Variants in STPG2 observed in about 807,000 individuals in gnomAD.
STPG2 encodes sperm-tail PG-rich repeat-containing protein 2.
A neutral mutation model predicts 54.2 loss-of-function variants in STPG2; 56 were observed. The ratio of observed to expected loss-of-function variants is 1.03; its 90% CI spans 0.83 to 1.29. The LOEUF (loss-of-function observed/expected upper bound fraction) is 1.29, where lower values mean the gene tolerates loss of function less well. STPG2 is among the 50% of genes most tolerant of loss of function. STPG2 has a pLI of 0.00. For synonymous variants in STPG2, 200 were observed against 181.8 expected, an observed-to-expected ratio of 1.10 and a Z score of -0.81; for missense variants, 596 against 544.9, an observed-to-expected ratio of 1.09 and a Z score of -0.93.
intron 7 of STPG2, among the ~76,000 whole-genome samples, chr4:97,956,981 C>T (rs1479981782): frequency 1.3e-5 from 2 of 151,904 alleles, no homozygotes; most frequent in African/African-American, 4.8e-5. Context: ...AGAAGAAATC[C>T]CTGATTTGCC....
chr4:97,527,588 T>C (rs906968017), intron 4 of STPG2, among the ~76,000 whole-genome samples: 2 of 152,218 alleles, frequency 1.3e-5, no homozygotes, highest in African/African-American at 4.8e-5. Flanking sequence ...TCTTCCACAA[T>C]GGTTGAACTA....
chr4:98,050,403 A>T (rs1737279747), intron 5 of STPG2, among the ~76,000 whole-genome samples: 1 of 152,250 alleles, frequency 6.6e-6, no homozygotes, highest in East Asian at 1.9e-4. Context: ...TAGTCTCTCC[A>T]CTTTTGTGTT....
intron 10 of STPG2, among the ~76,000 whole-genome samples, chr4:97,574,596 G>A (rs941703102): frequency 2.0e-5 from 3 of 151,964 alleles, no homozygotes; most frequent in Non-Finnish European, 4.4e-5. Context: ...TCACATGAAG[G>A]CCTTTAGGAG....
At chr4:97,647,193 T>C (rs1721936693) in intron 10 of STPG2, among the ~76,000 whole-genome samples, 1 of 152,178 alleles carries the variant, frequency 6.6e-6, no homozygotes, top group African/African-American at 2.4e-5. Context: ...AGCATGGGCA[T>C]GTTGCCAGGC....
chr4:98,022,663 C>T (rs1194706142), intron 5 of STPG2, among the ~76,000 whole-genome samples: 4 of 152,126 alleles, frequency 2.6e-5, no homozygotes, highest in African/African-American at 4.8e-5. Context: ...ATCAATCAGA[C>T]GTAGATTTGG....
rs906151930 is a variant in STPG2 at position 97,551,400 on chromosome 4, T to C, written c.462+161299A>G. Among the ~76,000 whole-genome samples the C allele has an allele frequency of 7.9e-5, 12 of 152,286 alleles. 1 individual carries two copies. In the South Asian group the frequency reaches 1.5e-3, roughly 18 times the overall value. On this transcript the variant is annotated intron_variant, in intron 4 of 4. Coordinates refer to the STPG2 transcript ENST00000522676. ...TTCTGTAATTGTCAAATAAAAGTAG[T>C]AACTAAAGATATTTTGAAACTGAGT...
Position 97,932,302 on chromosome 4 carries a change from G to A in STPG2, c.1044+11595C>T, listed in dbSNP as rs576951561. 2.2e-4 allele frequency among the ~76,000 whole-genome samples: 34 copies of A among 152,056 alleles called. No homozygotes were observed. In the South Asian group the frequency reaches 6.8e-3, roughly 31 times the overall value. On this transcript the variant is annotated intron_variant, in intron 8 of 10. Transcript: ENST00000295268. ...CTAGTTTTGGGGTTGATTTATCCTT[G>A]ATTCTCTAATTTTTCAAGTTGTGAA...
At chr4:97,798,613 A>C (rs1257887676) in intron 9 of STPG2, among the ~76,000 whole-genome samples, 1 of 145,364 alleles carries the variant, frequency 6.9e-6, no homozygotes, top group Non-Finnish European at 1.5e-5. Context: ...CTCTGTGGTC[A>C]ATTTTGGAAT....
intron 5 of STPG2, among the ~76,000 whole-genome samples, chr4:98,087,621 C>A (rs1738562741): frequency 6.7e-6 from 1 of 148,918 alleles, no homozygotes; most frequent in African/African-American, 2.5e-5. Context: ...AATGCAGTGC[C>A]GCAATCTCGG....
rs1738650054 is a variant in STPG2 at position 98,090,408 on chromosome 4, C to A, written c.612+15545G>T. The stretch of plus-strand genomic sequence containing the variant: ...GGGTTTTCTATTCTGTTTCATTGGT[C>A]TACATGCCTATTTTTATACTGGTAC... On this transcript the variant is annotated intron_variant, in intron 5 of 10. Transcript: ENST00000295268. Among the ~76,000 whole-genome samples the A allele has an allele frequency of 2.0e-5, 3 of 152,046 alleles. No individual in the cohort carries two copies. The South Asian group carries it at 6.2e-4, about 31-fold the overall frequency.
At chr4:97,900,931 T>A (rs1021246997) in intron 8 of STPG2, among the ~76,000 whole-genome samples, 1 of 151,962 alleles carries the variant, frequency 6.6e-6, no homozygotes, top group Non-Finnish European at 1.5e-5. Context: ...AAAATAAAAG[T>A]TTTTTTAAAA....
chr4:97,634,476 C>A (rs1273612437), intron 10 of STPG2, among the ~76,000 whole-genome samples: 2 of 152,202 alleles, frequency 1.3e-5, no homozygotes, highest in Non-Finnish European at 2.9e-5. Context: ...TGCAACAGAA[C>A]AAAGCTGGAC....
At chr4:97,726,854 C>A (rs6532692) in intron 9 of STPG2, among the ~76,000 whole-genome samples, 58,766 of 151,544 alleles carry the variant, frequency 0.39, 12,611 homozygotes, top group Admixed American at 0.52. Context: ...CACACACACA[C>A]ACACACACAG....
intron 10 of STPG2, among the ~76,000 whole-genome samples, chr4:97,626,573 T>C (rs2148928915): frequency 6.6e-6 from 1 of 152,246 alleles, no homozygotes; most frequent in African/African-American, 2.4e-5. Context: ...TTTCGGAATT[T>C]GAAATATTCC....
In STPG2 at chr4:97,705,763, T is replaced by C. The variant is rs140852577; in HGVS notation, c.1320+6936A>G. On this transcript the variant is annotated intron_variant, in intron 10 of 10. Coordinates refer to ENST00000295268, the MANE Select transcript of STPG2 (RefSeq NM_174952.3). ...AATTAAAATGTTTATATATAGTTTC[T>C]CCTTACTAGATTGCTATATAGTTGA... Among the ~76,000 whole-genome samples, 753 of 152,032 alleles carry C rather than the reference T, an allele frequency of 5.0e-3. 3 individuals carry two copies. The highest frequency in any genetic ancestry group is 7.9e-3 in the Non-Finnish European group (537 of 67,972).
intron 5 of STPG2, among the ~76,000 whole-genome samples, chr4:98,096,405 G>T (rs7441723): frequency 6.6e-6 from 1 of 150,482 alleles, no homozygotes; most frequent in Admixed American, 6.6e-5. Context: ...CTCAAAAAAA[G>T]AAAAAAAAAA....
At chr4:97,459,964 G>C (rs1265691889) in intron 4 of STPG2, among the ~76,000 whole-genome samples, 1 of 152,126 alleles carries the variant, frequency 6.6e-6, no homozygotes, top group African/African-American at 2.4e-5. Context: ...CAAATAATTA[G>C]AGAATGATAG....
chr4:97,862,189 AT>A (rs1729575432), intron 8 of STPG2, among the ~76,000 whole-genome samples: 1 of 151,760 alleles, frequency 6.6e-6, no homozygotes, highest in Non-Finnish European at 1.5e-5. Flanking sequence ...TCTCACCTTT[AT>A]TTTGAGCCTA....
chr4:97,581,929 G>C (rs1256246216), intron 10 of STPG2, among the ~76,000 whole-genome samples: 2 of 151,884 alleles, frequency 1.3e-5, no homozygotes, highest in South Asian at 2.1e-4. Context: ...GTAGCTCTAG[G>C]AATCTTTCCA....
Sources: gnomAD v4.1 joint callset for allele counts (sites outside exome capture counted in the v4.1 genomes callset) on GRCh38, gnomAD v4.1.1 for gene constraint, MANE v1.5 for transcripts, NCBI Gene and HGNC (gene_info 2026-07-23, HGNC 2026-07-21) for gene names.